Variants in SLIT3 observed in about 807,000 individuals in gnomAD.
SLIT3 encodes the protein slit guidance ligand 3, also known as slit homolog 3 protein.
SLIT3 carries 68 observed loss-of-function variants against 184.0 expected under a neutral mutation model. The observed-to-expected ratio is 0.37, with a 90% CI of 0.30 to 0.45. The LOEUF (loss-of-function observed/expected upper bound fraction) is 0.45. Ranked by LOEUF, SLIT3 falls within the 20% of genes least tolerant of loss-of-function variation. The probability of loss-of-function intolerance (pLI) is 1.00; values close to 1 mark genes in which losing one functional copy is unlikely to be tolerated. For missense variants in SLIT3, 1,707 were observed against 2,026.0 expected (o/e 0.84, Z 3.02); for synonymous variants, 831 against 828.6 (o/e 1.00, Z -0.05).
In SLIT3 at chr5:168,844,643, G is replaced by T. The variant is rs764284105; in HGVS notation, c.498C>A (p.Asn166Lys). Residue 166 changes from asparagine (N) to lysine (K), a missense_variant, in exon 6 of 36, where the codon AAC becomes AAA. Transcript: ENST00000519560. ...CATCTTCAATGCAGCTGATGTGGTTGTTGTCCAGTTGCCTGTGGAAAAGCA... is the reference window on the plus strand; with the variant it reads ...CATCTTCAATGCAGCTGATGTGGTTTTTGTCCAGTTGCCTGTGGAAAAGCA... ...ITDVKNLQLD[N>K]NHISCIEDGA... 45 of 1,614,056 alleles carry T rather than the reference G, an allele frequency of 2.8e-5. No homozygotes were observed. The highest frequency in any genetic ancestry group is 3.4e-5 in the Non-Finnish European group (40 of 1,180,030).
intron 4 of SLIT3, among the ~76,000 whole-genome samples, chr5:169,073,750 G>A (rs1004500382): frequency 2.6e-5 from 4 of 152,060 alleles, no homozygotes; most frequent in African/African-American, 9.7e-5. Flanking sequence ...GCCATGTGAT[G>A]TGAAGGCTCC....
chr5:169,124,004 T>C (rs567214928), intron 4 of SLIT3, among the ~76,000 whole-genome samples: 2 of 152,288 alleles, frequency 1.3e-5, no homozygotes, highest in East Asian at 3.9e-4. Context: ...ATTCCTCTCA[T>C]CAAGCAAGGG....
chr5:168,890,137 TAAAAAA>T (rs56267999), intron 4 of SLIT3, among the ~76,000 whole-genome samples: 1 of 98,682 alleles, frequency 1.0e-5, no homozygotes, highest in African/African-American at 4.1e-5. Context: ...AGACTCCATC[TAAAAAA>T]AAAAAAAAAA....
chr5:168,799,067 C>G (rs543109144), intron 9 of SLIT3, among the ~76,000 whole-genome samples: 2 of 152,230 alleles, frequency 1.3e-5, no homozygotes, highest in Admixed American at 6.5e-5. Context: ...TCCAGCTCAT[C>G]CACAGGGAAA....
At chr5:168,738,768 C>G (rs911643034) in intron 20 of SLIT3, among the ~76,000 whole-genome samples, 6 of 152,182 alleles carry the variant, frequency 3.9e-5, no homozygotes, top group Non-Finnish European at 7.4e-5. Context: ...GAAACCCCGT[C>G]TCTACTAAAA....
intron 6 of SLIT3, 143 bp from the exon 7 acceptor site, chr5:168,823,474 A>T: frequency 1.4e-6 from 1 of 740,488 alleles, no homozygotes; most frequent in Non-Finnish European, 2.5e-6. Context: ...GCAGCTGAAG[A>T]CAAGTGGACA....
At chr5:168,981,283 G>A (rs1754937399) in intron 4 of SLIT3, among the ~76,000 whole-genome samples, 1 of 152,076 alleles carries the variant, frequency 6.6e-6, no homozygotes, top group Admixed American at 6.6e-5. Flanking sequence ...ATGCCAATAG[G>A]GACTGACTAC....
intron 20 of SLIT3, 130 bp downstream of exon 20, chr5:168,748,172 G>T: frequency 9.4e-7 from 1 of 1,063,418 alleles, no homozygotes; most frequent in Non-Finnish European, 1.3e-6. Context: ...ATCTTGCTGG[G>T]ATCCATTCAA....
Position 168,978,501 on chromosome 5 carries a change from G to A in SLIT3, c.414-95165C>T, listed in dbSNP as rs117384880. ...AGGGCCTAGAGGTGAACATCTAACA[G>A]GCAGAACCTGATTCTACCTGTCAAC... On this transcript the variant is annotated intron_variant, in intron 4 of 35. Transcript: ENST00000519560. Among the ~76,000 whole-genome samples, 5 of 152,228 alleles carry A rather than the reference G, an allele frequency of 3.3e-5. No individual in the cohort carries two copies. The East Asian group carries it at 9.7e-4, about 29-fold the overall frequency.
chr5:169,128,067 T>C (rs1005828357), intron 4 of SLIT3, among the ~76,000 whole-genome samples: 1 of 151,908 alleles, frequency 6.6e-6, no homozygotes, highest in African/African-American at 2.4e-5. Context: ...AATGAAAAAC[T>C]GTTATTTATT....
At chr5:168,953,404 A>G (rs1197719178) in intron 4 of SLIT3, among the ~76,000 whole-genome samples, 1 of 152,240 alleles carries the variant, frequency 6.6e-6, no homozygotes, top group Non-Finnish European at 1.5e-5. Context: ...CATCTTAGCT[A>G]CTATGATCAT....
intron 4 of SLIT3, among the ~76,000 whole-genome samples, chr5:169,007,696 G>T (rs1212079160): frequency 6.6e-6 from 1 of 152,182 alleles, no homozygotes; most frequent in African/African-American, 2.4e-5. Context: ...CAAGTAGAAA[G>T]CCCCTCTTAA....
intron 12 of SLIT3, among the ~76,000 whole-genome samples, chr5:168,780,779 C>G (rs1345730686): frequency 1.3e-5 from 2 of 152,152 alleles, no homozygotes; most frequent in Non-Finnish European, 2.9e-5. Context: ...TAATAGGGAC[C>G]ACTCTCCCAC....
intron 20 of SLIT3, among the ~76,000 whole-genome samples, chr5:168,741,286 T>C (rs538075410): frequency 3.3e-4 from 50 of 151,906 alleles, no homozygotes; most frequent in Admixed American, 6.5e-4. Flanking sequence ...CTGGCTAACA[T>C]GGTGAAACCC....
intron 4 of SLIT3, among the ~76,000 whole-genome samples, chr5:169,089,899 C>T (rs2113198461): frequency 6.6e-6 from 1 of 152,320 alleles, no homozygotes; most frequent in Admixed American, 6.5e-5. Flanking sequence ...CACGATGATC[C>T]TTCCTACCCT....
At chr5:168,913,386 C>T (rs922035283) in intron 4 of SLIT3, among the ~76,000 whole-genome samples, 4 of 152,142 alleles carry the variant, frequency 2.6e-5, no homozygotes, top group African/African-American at 9.7e-5. Context: ...AAGAAAGGTA[C>T]CATTAGCTTT....
At chr5:168,931,054 C>T (rs751166213) in intron 4 of SLIT3, among the ~76,000 whole-genome samples, 6 of 152,222 alleles carry the variant, frequency 3.9e-5, no homozygotes, top group East Asian at 1.9e-4. Flanking sequence ...ACAGCCAGCC[C>T]GGCCCAACAC....
At chr5:169,059,485 G>A (rs147826513) in intron 4 of SLIT3, among the ~76,000 whole-genome samples, 68 of 152,240 alleles carry the variant, frequency 4.5e-4, no homozygotes, top group African/African-American at 1.5e-3. Context: ...TGCACTGCCA[G>A]AAAGTAGAAG....
intron 5 of SLIT3, among the ~76,000 whole-genome samples, chr5:168,850,846 A>T (rs1247580148): frequency 6.6e-6 from 1 of 152,208 alleles, no homozygotes; most frequent in Non-Finnish European, 1.5e-5. Context: ...TAATGCAAAC[A>T]GCGATGATGG....
Sources: allele counts gnomAD v4.1 joint callset (sites outside exome capture counted in the v4.1 genomes callset), GRCh38; gene constraint gnomAD v4.1.1; transcripts MANE v1.5; gene names NCBI Gene and HGNC (gene_info 2026-07-23, HGNC 2026-07-21).